PTK2: variants seen among roughly 807,000 people sequenced by gnomAD.
PTK2 encodes the protein protein tyrosine kinase 2.
PTK2 carries 45 observed loss-of-function variants against 150.1 expected under a neutral mutation model. That is an observed-to-expected ratio of 0.30 (90% confidence interval 0.24 to 0.38). The LOEUF is 0.38. Ranked by LOEUF, PTK2 falls within the 10% of genes least tolerant of loss-of-function variation. The pLI is 1.00. For synonymous variants in PTK2, 432 were observed against 449.2 expected (o/e 0.96, Z 0.48); for missense variants, 919 against 1,307.3 (o/e 0.70, Z 4.58).
At chr8:140,795,267 C>G (rs1390288407) in intron 12 of PTK2, among the ~76,000 whole-genome samples, 1 of 152,150 alleles carries the variant, frequency 6.6e-6, no homozygotes, top group Admixed American at 6.5e-5. Flanking sequence ...TCACACCCTC[C>G]AATGGCTTCC....
At chr8:140,855,938 AGT>A (rs1373711374) in intron 5 of PTK2, among the ~76,000 whole-genome samples, 1 of 152,172 alleles carries the variant, frequency 6.6e-6, no homozygotes, top group Non-Finnish European at 1.5e-5. Flanking sequence ...TATGATGGTA[AGT>A]GTGTGTTCTA....
rs1603263660 is a variant in PTK2 at position 140,925,657 on chromosome 8, A to G, written c.-33+4T>C. 1.0e-6 allele frequency: 1 copy of G among 985,192 alleles called. No individual in the cohort carries two copies. Among genetic ancestry groups the G allele is most frequent in the Admixed American group, 6.1e-5 (1 of 16,268 alleles). 61.0% of individuals were successfully genotyped at this position (985,192 alleles called of 1,614,324 possible). Reference sequence around the variant, plus strand: ...TTTGCAAAGTTTCTTAACCATTACTATACCTCCCTTCCGTTATTCTTGAGG... The same window carrying G: ...TTTGCAAAGTTTCTTAACCATTACTGTACCTCCCTTCCGTTATTCTTGAGG... On this transcript the variant is annotated splice_donor_region_variant and intron_variant, in intron 2 of 31. Coordinates refer to ENST00000522684, the Ensembl canonical transcript of PTK2.
chr8:140,835,189 C>T (rs2100117977), intron 7 of PTK2, among the ~76,000 whole-genome samples: 1 of 152,180 alleles, frequency 6.6e-6, no homozygotes, highest in Admixed American at 6.5e-5. Context: ...ACACAGCTGG[C>T]TTTTAGAAGC....
chr8:140,736,016 G>T (rs1280994431), intron 21 of PTK2, among the ~76,000 whole-genome samples: 1 of 152,126 alleles, frequency 6.6e-6, no homozygotes, highest in Admixed American at 6.5e-5. Flanking sequence ...AACTTCTTTG[G>T]GCTTCAAGTC....
At chr8:140,705,365 A>G (rs2100033105) in intron 24 of PTK2, among the ~76,000 whole-genome samples, 1 of 152,208 alleles carries the variant, frequency 6.6e-6, no homozygotes, top group Non-Finnish European at 1.5e-5. Context: ...GTAAAAAAAG[A>G]TAAGCCCTAA....
chr8:140,771,609 T>C (rs2100075544), intron 14 of PTK2, among the ~76,000 whole-genome samples: 2 of 151,996 alleles, frequency 1.3e-5, no homozygotes, highest in African/African-American at 4.8e-5. Context: ...ACTCACGGGG[T>C]ATCATAAAGA....
chr8:140,974,782 C>T (rs11786859), intron 1 of PTK2, among the ~76,000 whole-genome samples: 64,369 of 151,974 alleles, frequency 0.42, 15,356 homozygotes, highest in Non-Finnish European at 0.55. Flanking sequence ...CTCACATACA[C>T]ACACAATTCT....
chr8:140,879,703 C>CAAAAAAAAAAAAAAAAAAAAAAAAAA lies in PTK2; in HGVS notation c.196-67_196-66insTTTTTTTTTTTTTTTTTTTTTTTTTT, dbSNP rs2100148020. On this transcript the variant is annotated intron_variant, in intron 3 of 31. Coordinates refer to ENST00000522684, the Ensembl canonical transcript of PTK2. ...AAAAAAAAAAAAAAAAAAAAAAAAC[C>CAAAAAAAAAAAAAAAAAAAAAAAAAA]AAAACAAAACAAAAACAAAACAAAA... is the stretch of plus-strand genomic sequence containing the variant. 8 of 793,866 alleles carry CAAAAAAAAAAAAAAAAAAAAAAAAAA rather than the reference C, an allele frequency of 1.0e-5. No individual in the cohort carries two copies. In the African/African-American group the frequency reaches 1.6e-4, roughly 16 times the overall value. 49.2% of individuals were successfully genotyped at this position (793,866 alleles called of 1,614,324 possible). A position where few individuals can be genotyped will look rare whatever the true frequency, so the allele number is the denominator to read the frequency against.
At chr8:140,853,057 G>A (rs531696947) in intron 5 of PTK2, among the ~76,000 whole-genome samples, 5 of 152,182 alleles carry the variant, frequency 3.3e-5, no homozygotes, top group African/African-American at 1.2e-4. Context: ...TTCTCTCTAG[G>A]GTCTGGAAAG....
intron 4 of PTK2, among the ~76,000 whole-genome samples, chr8:140,878,616 T>A (rs1383794365): frequency 6.6e-6 from 1 of 151,914 alleles, no homozygotes; most frequent in Non-Finnish European, 1.5e-5. Flanking sequence ...AAAAAAATTA[T>A]TCACCTTAAC....
At chr8:140,831,690 A>C (rs972746608) in intron 7 of PTK2, among the ~76,000 whole-genome samples, 1 of 152,136 alleles carries the variant, frequency 6.6e-6, no homozygotes, top group Non-Finnish European at 1.5e-5. Context: ...AGCTTCTATG[A>C]TATACTACTT....
intron 2 of PTK2, among the ~76,000 whole-genome samples, chr8:140,913,746 A>T (rs2100164126): frequency 6.6e-6 from 1 of 152,224 alleles, no homozygotes; most frequent in African/African-American, 2.4e-5. Context: ...GTATTGTTCA[A>T]TATTGTTCAT....
At chr8:140,787,279 T>A (rs1036832586) in intron 14 of PTK2, among the ~76,000 whole-genome samples, 7 of 152,214 alleles carry the variant, frequency 4.6e-5, no homozygotes, top group Non-Finnish European at 8.8e-5. Flanking sequence ...TTAGCAGCTA[T>A]GTAACCTTGG....
intron 16 of PTK2, among the ~76,000 whole-genome samples, 156 bp downstream of exon 19, chr8:140,761,009 C>T (rs563956443): frequency 2.6e-5 from 4 of 152,210 alleles, no homozygotes; most frequent in East Asian, 3.9e-4. Flanking sequence ...TTTCTGAATA[C>T]GCCAAGTATA....
chr8:140,662,440 G>A (rs1319878189), intron 31 of PTK2, among the ~76,000 whole-genome samples: 1 of 152,110 alleles, frequency 6.6e-6, no homozygotes, highest in East Asian at 1.9e-4. Context: ...TATCCACTTG[G>A]TAGGACACCA....
At chr8:140,962,717 C>T (rs909687995) in intron 1 of PTK2, among the ~76,000 whole-genome samples, 4 of 151,754 alleles carry the variant, frequency 2.6e-5, no homozygotes, top group African/African-American at 9.7e-5. Context: ...GGAGGCGGAG[C>T]TTGCAGTGAG....
At chr8:140,914,073 A>T (rs1185677026) in intron 2 of PTK2, among the ~76,000 whole-genome samples, 8 of 152,216 alleles carry the variant, frequency 5.3e-5, no homozygotes, top group Admixed American at 5.2e-4. Flanking sequence ...AGTTTTTAAG[A>T]AAGGTATAAT....
At chr8:140,949,772 A>T (rs1434262112) in intron 1 of PTK2, among the ~76,000 whole-genome samples, 1 of 152,134 alleles carries the variant, frequency 6.6e-6, no homozygotes, top group Non-Finnish European at 1.5e-5. Context: ...GAAGGCAGAA[A>T]GGCTCCTGGA....
intron 26 of PTK2, among the ~76,000 whole-genome samples, chr8:140,692,382 C>T (rs1009986490): frequency 3.0e-4 from 46 of 152,222 alleles, no homozygotes; most frequent in African/African-American, 9.9e-4. Context: ...TATGGGAGGC[C>T]GAGGTGGGTG....
Sources: allele counts gnomAD v4.1 joint callset (sites outside exome capture counted in the v4.1 genomes callset), GRCh38; gene constraint gnomAD v4.1.1; transcripts MANE v1.5; gene names NCBI Gene and HGNC (gene_info 2026-07-23, HGNC 2026-07-21).